Variants in CFAP299 observed in about 807,000 individuals in gnomAD.
CFAP299 encodes the protein cilia- and flagella-associated protein 299.
A neutral mutation model predicts 27.0 loss-of-function variants in CFAP299; 21 were observed. That is an observed-to-expected ratio of 0.78 (90% CI 0.55 to 1.12). CFAP299 has a LOEUF of 1.12. Ranked by LOEUF, CFAP299 falls within the 50% of genes most tolerant of loss-of-function variation. The pLI is 0.00. For missense variants in CFAP299, 310 were observed against 276.6 expected, an observed-to-expected ratio of 1.12 and a Z score of -0.86; for synonymous variants, 104 against 98.1, an observed-to-expected ratio of 1.06 and a Z score of -0.36.
At chr4:80,921,492 C>G (rs189098297) in intron 4 of CFAP299, among the ~76,000 whole-genome samples, 8 of 151,958 alleles carry the variant, frequency 5.3e-5, no homozygotes, top group Non-Finnish European at 2.9e-5. Context: ...AGAGCATGAA[C>G]AAGGGCATAA....
chr4:80,379,370 TCTA>T (rs1357044761), intron 2 of CFAP299, among the ~76,000 whole-genome samples: 10 of 152,018 alleles, frequency 6.6e-5, no homozygotes, highest in African/African-American at 1.9e-4. Flanking sequence ...AATTGTTTTC[TCTA>T]CTATTTTGTT....
At chr4:80,337,076 A>G (rs1027020185) in intron 1 of CFAP299, among the ~76,000 whole-genome samples, 1 of 152,236 alleles carries the variant, frequency 6.6e-6, no homozygotes, top group Non-Finnish European at 1.5e-5. Flanking sequence ...ATTTTAAAAC[A>G]TTATACAGAT....
At chr4:80,682,239 G>T (rs1719888041) in intron 3 of CFAP299, among the ~76,000 whole-genome samples, 2 of 152,186 alleles carry the variant, frequency 1.3e-5, no homozygotes, top group South Asian at 4.1e-4. Flanking sequence ...AGCCCAGTGT[G>T]TTCTAAATCT....
At position 80,545,241 on chromosome 4, in the gene CFAP299, A is replaced by G. The variant is rs1734169735; in HGVS notation, c.243-37852A>G. On this transcript the variant is annotated intron_variant, in intron 2 of 5. Transcript: ENST00000358105. ...TTTACAGCACTAAACACCTATGTTA[A>G]AAAGTTGGAAAGATCTCAAATTAAC... 3.9e-5 allele frequency among the ~76,000 whole-genome samples: 6 copies of G among 152,170 alleles called. 1 individual carries two copies. In the South Asian group the frequency reaches 1.2e-3, roughly 31 times the overall value.
intron 2 of CFAP299, among the ~76,000 whole-genome samples, chr4:80,512,801 A>G (rs1267074257): frequency 6.6e-6 from 1 of 152,100 alleles, no homozygotes; most frequent in Non-Finnish European, 1.5e-5. Flanking sequence ...ATTAACTTCA[A>G]TTATATATAT....
At chr4:80,533,891 G>C (rs373488616) in intron 2 of CFAP299, among the ~76,000 whole-genome samples, 3 of 152,144 alleles carry the variant, frequency 2.0e-5, no homozygotes, top group South Asian at 4.1e-4. Flanking sequence ...ATATGATCTG[G>C]ATCTCTTATG....
chr4:80,632,947 T>C (rs759109099), intron 3 of CFAP299, among the ~76,000 whole-genome samples: 22 of 152,168 alleles, frequency 1.4e-4, no homozygotes, highest in Non-Finnish European at 2.1e-4. Flanking sequence ...ATGCATAATA[T>C]AATGAATGGG....
chr4:80,910,944 TA>T (rs972526059), intron 4 of CFAP299, among the ~76,000 whole-genome samples: 2 of 152,010 alleles, frequency 1.3e-5, no homozygotes, highest in African/African-American at 4.8e-5. Flanking sequence ...TGCTTCCACA[TA>T]AAAAAAGCAA....
chr4:80,446,065 A>G (rs1728601151), intron 2 of CFAP299, among the ~76,000 whole-genome samples: 1 of 152,166 alleles, frequency 6.6e-6, no homozygotes, highest in South Asian at 2.1e-4. Context: ...TGAGATGGAG[A>G]TTAGCATGCT....
chr4:80,864,201 A>T (rs11945650), intron 3 of CFAP299, among the ~76,000 whole-genome samples: 95,716 of 151,618 alleles, frequency 0.63, 35,341 homozygotes, highest in Non-Finnish European at 0.81. Flanking sequence ...AAATGTTTTT[A>T]GTTAAACCTA....
intron 3 of CFAP299, among the ~76,000 whole-genome samples, chr4:80,676,432 C>T (rs1719459857): frequency 6.6e-6 from 1 of 151,858 alleles, no homozygotes; most frequent in Non-Finnish European, 1.5e-5. Context: ...TTTGTTATAT[C>T]CTTTTCTGGT....
At position 80,335,773 on chromosome 4, in the gene CFAP299, A is replaced by G. The variant is rs771351651; in HGVS notation, c.5A>G (p.Asp2Gly). The change falls in exon 1 of 6, where the codon GAT (aspartate) becomes GGT (glycine). Residue 2 changes from aspartate to glycine, a missense_variant. Asp to Gly is a moderately conservative substitution (Grantham distance 94). Transcript: ENST00000358105. ...GCTTCGGCCGAGGATACCGCAATGG[A>G]TCAGGAAGAGGGGCTGAAGGCCTTG... is the stretch of plus-strand genomic sequence containing the variant. M[D>G]QEEGLKALDN... 1.1e-5 allele frequency: 18 copies of G among 1,607,826 alleles called. No individual in the cohort carries two copies. In the East Asian group the frequency reaches 2.5e-4, roughly 22 times the overall value.
intron 4 of CFAP299, among the ~76,000 whole-genome samples, chr4:80,905,410 G>A (rs1397024418): frequency 6.6e-6 from 1 of 151,938 alleles, no homozygotes; most frequent in Non-Finnish European, 1.5e-5. Context: ...TAGACTACAG[G>A]GCTGATTTCC....
intron 3 of CFAP299, among the ~76,000 whole-genome samples, chr4:80,759,670 T>C (rs1467236087): frequency 1.3e-5 from 2 of 152,186 alleles, no homozygotes; most frequent in African/African-American, 4.8e-5. Flanking sequence ...ATTATTTTGT[T>C]GTTGTTAGAG....
At chr4:80,592,871 G>A (rs1026969464) in intron 3 of CFAP299, among the ~76,000 whole-genome samples, 1 of 152,104 alleles carries the variant, frequency 6.6e-6, no homozygotes, top group African/African-American at 2.4e-5. Context: ...TAAGAGTTTG[G>A]TGTCTATAGC....
At chr4:80,488,640 A>G (rs1054612996) in intron 2 of CFAP299, among the ~76,000 whole-genome samples, 2 of 151,916 alleles carry the variant, frequency 1.3e-5, no homozygotes, top group Admixed American at 1.3e-4. Context: ...CACCTGGCTA[A>G]TTTGTTTTTG....
intron 3 of CFAP299, among the ~76,000 whole-genome samples, chr4:80,657,073 T>C (rs1228544926): frequency 6.6e-6 from 1 of 151,836 alleles, no homozygotes; most frequent in East Asian, 1.9e-4. Context: ...TGATAAGTTA[T>C]TTGTTTTTTT....
chr4:80,943,435 A>G (rs557690851), intron 4 of CFAP299, among the ~76,000 whole-genome samples: 2 of 152,150 alleles, frequency 1.3e-5, no homozygotes, highest in Admixed American at 6.5e-5. Flanking sequence ...GAAACTTTCT[A>G]TTTTCAAAAA....
intron 3 of CFAP299, among the ~76,000 whole-genome samples, chr4:80,680,691 T>A (rs1020720539): frequency 6.6e-6 from 1 of 152,146 alleles, no homozygotes; most frequent in Non-Finnish European, 1.5e-5. Flanking sequence ...AAACGTAAAG[T>A]TTGAGAAGAA....
Sources: allele counts gnomAD v4.1 joint callset (sites outside exome capture counted in the v4.1 genomes callset), GRCh38; gene constraint gnomAD v4.1.1; transcripts MANE v1.5; gene names NCBI Gene and HGNC (gene_info 2026-07-23, HGNC 2026-07-21).